SEPTIN1: variants seen among roughly 807,000 people sequenced by gnomAD.
The protein encoded by SEPTIN1 is septin 1.
Under a neutral mutation model 50.7 loss-of-function variants are expected in SEPTIN1, and 52 were observed. The ratio of observed to expected loss-of-function variants is 1.03; its 90% CI spans 0.82 to 1.29. SEPTIN1 has a LOEUF of 1.29. Ranked by LOEUF, SEPTIN1 falls within the 50% of genes most tolerant of loss-of-function variation. The pLI is 0.00. For missense variants in SEPTIN1, 455 were observed against 490.7 expected (o/e 0.93, Z 0.69); for synonymous variants, 204 against 189.1 (o/e 1.08, Z -0.65).
intron 9 of SEPTIN1, 147 bp from the exon 10 acceptor site, chr16:30,378,847 A>AGAGAGGGGGATAGAGG: frequency 1.9e-6 from 1 of 530,494 alleles, no homozygotes; most frequent in Non-Finnish European, 3.1e-6. Context: ...GCGGGTGGGG[A>AGAGAGGGGGATAGAGG]GAGAGGGGGA....
chr16:30,382,032 A>G lies in SEPTIN1; in HGVS notation c.196+61T>C. 1.3e-6 allele frequency: 2 copies of G among 1,594,462 alleles called. No homozygotes were observed. Among genetic ancestry groups the G allele is most frequent in the Non-Finnish European group, 1.7e-6 (2 of 1,167,206 alleles). On this transcript the variant is annotated intron_variant, in intron 3 of 10. Coordinates refer to ENST00000321367, the MANE Select transcript of SEPTIN1 (RefSeq NM_001365977.2). The surrounding 1 kb of genome is among the most constrained non-coding windows in gnomAD (Gnocchi z 4.8). ...CAACTACCTGAGTCCCCAGATGGAA[A>G]AGACTAGGGTGTAACCTGGGGACAG...
chr16:30,378,780 G>A, intron 9 of SEPTIN1, 80 bp from the exon 10 acceptor site: 1 of 1,402,014 alleles, frequency 7.1e-7, no homozygotes. Context: ...AGGGCCTGGG[G>A]CGAGGTTGGG....
At chr16:30,378,963 G>A in intron 9 of SEPTIN1, 55 bp downstream of exon 9, 3 of 1,567,618 alleles carry the variant, frequency 1.9e-6, no homozygotes, top group South Asian at 2.3e-5. Flanking sequence ...TCAGGGCGGG[G>A]TCATGGGTGA....
chr16:30,380,989 C>A, intron 6 of SEPTIN1, 138 bp downstream of exon 6: 1 of 769,746 alleles, frequency 1.3e-6, no homozygotes, highest in Admixed American at 2.0e-5. Context: ...GCTTACCACC[C>A]GCCTTCCTCA....
intron 7 of SEPTIN1, 45 bp from the exon 8 acceptor site, chr16:30,379,579 A>G (rs761914888): frequency 6.9e-7 from 1 of 1,440,670 alleles, no homozygotes; most frequent in Non-Finnish European, 9.7e-7. Flanking sequence ...CACACGGCAG[A>G]AACTTTCTCT....
At position 30,381,524 on chromosome 16, in the gene SEPTIN1, G is replaced by A; in HGVS notation, c.321-51C>T. 1 of 1,605,334 alleles carries A rather than the reference G, an allele frequency of 6.2e-7. No homozygotes were observed. Among genetic ancestry groups the A allele is most frequent in the Non-Finnish European group, 8.5e-7 (1 of 1,172,946 alleles). ...TCAGAGATCAAAGGCCAGAGGGCAG[G>A]GGGCAAGGCTAGCCAGGACTGTGGG... On this transcript the variant is annotated intron_variant, in intron 4 of 10. Transcript: ENST00000321367. This position sits in a 1 kb window ranked among gnomAD's most constrained non-coding sequence, Gnocchi z 4.3.
intron 6 of SEPTIN1, chr16:30,380,616 T>C (rs372417536): frequency 2.0e-4 from 27 of 135,660 alleles, no homozygotes; most frequent in Middle Eastern, 3.7e-3. Context: ...AAAATATTTT[T>C]TAAGTTAGCC....
At position 30,379,552 on chromosome 16, in the gene SEPTIN1, G is replaced by T; in HGVS notation, c.676-18C>A. The T allele has an allele frequency of 6.3e-7, 1 of 1,599,062 alleles. No homozygotes were observed. ...ATGCTTTCCTGGAGGGCAGGGGGCA[G>T]GGGTTCACCATTGGCTCACACGGCA... On this transcript the variant is annotated intron_variant, in intron 7 of 10. Coordinates refer to ENST00000321367, the MANE Select transcript of SEPTIN1 (RefSeq NM_001365977.2).
intron 7 of SEPTIN1, 137 bp from the exon 8 acceptor site, chr16:30,379,671 C>G (rs1026676736): frequency 8.9e-5 from 22 of 246,328 alleles, no homozygotes; most frequent in African/African-American, 2.9e-4. Flanking sequence ...TTTTTTGAGA[C>G]AGGGTCTCAC....
Position 30,379,166 on chromosome 16 carries a change from A to G in SEPTIN1, c.793T>C (p.Cys265Arg), listed in dbSNP as rs1208001695. Residue 265 changes from cysteine to arginine, a missense_variant, in exon 9 of 11, where the codon TGC becomes CGC. Coordinates refer to ENST00000321367, the MANE Select transcript of SEPTIN1 (RefSeq NM_001365977.2). ...GTVEVENPHH[C>R]DFLNLRRMLV... The stretch of plus-strand genomic sequence containing the variant: ...ATCCGTCGCAGGTTCAGGAAATCGC[A>G]GTGATGTGGGTTCTCCACTGGAGGG... 4 of 1,614,056 alleles carry G rather than the reference A, an allele frequency of 2.5e-6. No individual in the cohort carries two copies. The highest frequency in any genetic ancestry group is 3.4e-6 in the Non-Finnish European group (4 of 1,179,978).
In SEPTIN1 at chr16:30,378,597, G is replaced by C. The variant is rs2049786210; in HGVS notation, c.1032+13C>G. On this transcript the variant is annotated intron_variant, in intron 10 of 10. Transcript: ENST00000321367. The stretch of plus-strand genomic sequence containing the variant: ...TGGGGCATCGGTCGGGGGGAAGCGA[G>C]GTGCGTGCTCACCTCTTCGTCTTTC... The C allele has an allele frequency of 1.9e-6, 3 of 1,611,098 alleles. No homozygotes were observed. Among genetic ancestry groups the C allele is most frequent in the African/African-American group, 1.3e-5 (1 of 74,880 alleles).
At chr16:30,380,874 C>G (rs2049836517) in intron 6 of SEPTIN1, 5 of 546,418 alleles carry the variant, frequency 9.2e-6, no homozygotes, top group Non-Finnish European at 1.3e-5. Flanking sequence ...TCACTATGTT[C>G]TCATGTCTAT....
At chr16:30,380,977 C>T (rs1036641844) in intron 6 of SEPTIN1, 150 bp downstream of exon 6, 92 of 725,194 alleles carry the variant, frequency 1.3e-4, no homozygotes, top group Non-Finnish European at 2.5e-5. Flanking sequence ...GCTATGCTGG[C>T]GGCTTACCAC....
Position 30,381,140 on chromosome 16 carries a change from G to T in SEPTIN1, c.560C>A (p.Ala187Asp), listed in dbSNP as rs2049841404. The change falls in exon 6 of 11, where the codon GCC becomes GAC. Residue 187 changes from alanine to aspartate, a missense_variant. Physicochemically the swap from Ala to Asp is moderately radical, Grantham distance 126. Transcript: ENST00000321367. The surrounding 1 kb of genome is among the most constrained non-coding windows in gnomAD (Gnocchi z 4.3). ...CATCACTCACACCTTCTGCTTGAGG[G>T]CCTGGGTTTCCTGGGGCATCAGAGC... is the stretch of plus-strand genomic sequence containing the variant. ...ADALMPQETQ[A>D]LKQKIRDQLK... The T allele has an allele frequency of 6.2e-7, 1 of 1,613,516 alleles. No homozygotes were observed.
Position 30,381,913 on chromosome 16 carries a change from G to A in SEPTIN1, c.197-30C>T, listed in dbSNP as rs757438554. On this transcript the variant is annotated intron_variant, in intron 3 of 10. Transcript: ENST00000321367. The surrounding 1 kb of genome is among the most constrained non-coding windows in gnomAD (Gnocchi z 4.3). ...GGGATGGGGGAGAGGTCAGGGATCC[G>A]GGGAGGCTCTGAGGCAGAATTAATT... The A allele has an allele frequency of 1.7e-5, 28 of 1,613,010 alleles. No homozygotes were observed. Among genetic ancestry groups the A allele is most frequent in the East Asian group, 1.6e-4 (7 of 44,894 alleles).
chr16:30,380,125 G>A, intron 6 of SEPTIN1, 92 bp from the exon 7 acceptor site: 2 of 1,037,852 alleles, frequency 1.9e-6, no homozygotes, highest in Middle Eastern at 2.2e-4. Flanking sequence ...GATACTGGGT[G>A]GTCAGAGACA....
chr16:30,381,954 A>ACAG lies in SEPTIN1; in HGVS notation c.197-74_197-72dup. On this transcript the variant is annotated intron_variant, in intron 3 of 10. Coordinates refer to ENST00000321367, the MANE Select transcript of SEPTIN1 (RefSeq NM_001365977.2). The surrounding 1 kb of genome is among the most constrained non-coding windows in gnomAD (Gnocchi z 4.3). ...AGAATTAATTTCCTTTGTCAATATC[A>ACAG]CAGTTGCCTGCACCCATTTCCCAGG... is the stretch of plus-strand genomic sequence containing the variant. The ACAG allele has an allele frequency of 1.2e-6, 2 of 1,607,542 alleles. No individual in the cohort carries two copies. Among genetic ancestry groups the ACAG allele is most frequent in the African/African-American group, 2.7e-5 (2 of 74,800 alleles).
In SEPTIN1 at chr16:30,380,098, A is replaced by G. The variant is rs1035008382; in HGVS notation, c.574-65T>C. The G allele has an allele frequency of 1.2e-5, 16 of 1,326,716 alleles. No homozygotes were observed. In the Admixed American group the frequency reaches 2.9e-4, roughly 24 times the overall value. 82.2% of individuals were successfully genotyped at this position (1,326,716 alleles called of 1,614,324 possible). A position where few individuals can be genotyped will look rare whatever the true frequency, so the allele number is the denominator to read the frequency against. On this transcript the variant is annotated intron_variant, in intron 6 of 10. Transcript: ENST00000321367. ...ACAATGACAGACATTTCATGACCAG[A>G]GACAGTGAGACACAGAGATACTGGG...
chr16:30,378,364 G>T lies in SEPTIN1; in HGVS notation c.*70C>A. 1 of 1,407,782 alleles carries T rather than the reference G, an allele frequency of 7.1e-7. No homozygotes were observed. Among genetic ancestry groups the T allele is most frequent in the Non-Finnish European group, 9.5e-7 (1 of 1,055,446 alleles). The allele number at this position is 1,407,782 out of a possible 1,614,324, so 87.2% of individuals were successfully genotyped here. ...GAGGTCCCGGGGGGCGCTGGGCAGT[G>T]TGGGGCGCGGGGATTGGACAAGAGG... On this transcript the variant is annotated 3_prime_UTR_variant, in exon 11 of 11. Transcript: ENST00000321367.
Sources: gnomAD v4.1 joint callset for allele counts on GRCh38, gnomAD v4.1.1 for gene constraint, Gnocchi (gnomAD v3.1) non-coding constraint, MANE v1.5 for transcripts, NCBI Gene and HGNC (gene_info 2026-07-23, HGNC 2026-07-21) for gene names.